The following XYLT1 variants were observed in gnomAD, a reference collection of about 807,000 sequenced individuals.
XYLT1 encodes the protein xylosyltransferase 1.
In XYLT1, 36 loss-of-function variants were observed where a neutral mutation model predicts 91.3. The ratio of observed to expected loss-of-function variants is 0.39; its 90% CI spans 0.30 to 0.52. XYLT1 has a LOEUF of 0.52. XYLT1 is among the 20% of genes least tolerant of loss of function. The pLI is 0.68. For synonymous variants in XYLT1, 588 were observed against 532.0 expected (o/e 1.11, Z -1.45); for missense variants, 1,242 against 1,284.5 (o/e 0.97, Z 0.51).
chr16:17,197,960 G>C, intron 5 of XYLT1: 1 of 554,254 alleles, frequency 1.8e-6, no homozygotes, highest in East Asian at 3.0e-5. Context: ...ACGCGGGTTG[G>C]AGTTTCCGTC....
At chr16:17,117,572 C>A (rs189935497) in intron 11 of XYLT1, 74 bp downstream of exon 11, 2 of 1,502,616 alleles carry the variant, frequency 1.3e-6, no homozygotes, top group Admixed American at 3.8e-5. Context: ...AGCAGTGCTG[C>A]CTACCAACAC....
At chr16:17,463,731 A>C (rs545008605) in intron 1 of XYLT1, among the ~76,000 whole-genome samples, 1 of 152,266 alleles carries the variant, frequency 6.6e-6, no homozygotes, top group Non-Finnish European at 1.5e-5. Context: ...CTACACAGGA[A>C]AGGATTAATT....
intron 1 of XYLT1, among the ~76,000 whole-genome samples, chr16:17,377,175 T>TCACACACACACACACC (rs376242678): frequency 6.6e-6 from 1 of 150,828 alleles, no homozygotes; most frequent in African/African-American, 2.5e-5. Flanking sequence ...AGACTCTGCC[T>TCACACACACACACACC]CACACACACA....
rs559295555 is a variant in XYLT1, at chr16:17,449,859, T to C, written c.363+20575A>G. Among the ~76,000 whole-genome samples the C allele has an allele frequency of 1.7e-4, 26 of 152,330 alleles. No homozygotes were observed. In the South Asian group the frequency reaches 5.0e-3, roughly 29 times the overall value. Reference sequence around the variant, plus strand: ...GGCCTTTGGATCTTAAAATGTCATCTTAAAGTGGGGTTCCATAGCTCTCAC... The same window carrying C: ...GGCCTTTGGATCTTAAAATGTCATCCTAAAGTGGGGTTCCATAGCTCTCAC... On this transcript the variant is annotated intron_variant, in intron 1 of 11. Coordinates refer to ENST00000261381, the MANE Select transcript of XYLT1 (RefSeq NM_022166.4).
chr16:17,189,645 A>G (rs1157996189), intron 5 of XYLT1, among the ~76,000 whole-genome samples: 1 of 152,262 alleles, frequency 6.6e-6, no homozygotes, highest in African/African-American at 2.4e-5. Flanking sequence ...ATAAAAAGGA[A>G]TGAAGTGCTG....
At position 17,293,491 on chromosome 16, in the gene XYLT1, CTTTTTTTTTTTTTTT is replaced by C. The variant is rs548581536; in HGVS notation, c.403-34008_403-33994del. Among the ~76,000 whole-genome samples, 118 of 119,114 alleles carry C rather than the reference CTTTTTTTTTTTTTTT, an allele frequency of 9.9e-4. 2 individuals are homozygous for C. The highest frequency in any genetic ancestry group is 3.2e-3 in the African/African-American group (104 of 32,916). 78.1% of individuals were successfully genotyped at this position (119,114 alleles called of 152,430 possible). On this transcript the variant is annotated intron_variant, in intron 2 of 11. Transcript: ENST00000261381. ...TTTTAACATAAAGATTTTCTCCCTC[CTTTTTTTTTTTTTTT>C]TTTTTTTTTTTGAGACTGAGTCTCC...
chr16:17,381,932 T>A (rs1354675112), intron 1 of XYLT1, among the ~76,000 whole-genome samples: 10 of 151,928 alleles, frequency 6.6e-5, no homozygotes, highest in Admixed American at 4.0e-4. Flanking sequence ...TCTCAGTTAA[T>A]CCTCACTGCA....
intron 3 of XYLT1, among the ~76,000 whole-genome samples, chr16:17,237,773 G>A (rs963289514): frequency 2.6e-5 from 4 of 152,102 alleles, no homozygotes; most frequent in Non-Finnish European, 5.9e-5. Context: ...GGTTCCTCTC[G>A]GGTCACTTGG....
chr16:17,204,016 T>A (rs1243548086), intron 3 of XYLT1, among the ~76,000 whole-genome samples: 1 of 152,216 alleles, frequency 6.6e-6, no homozygotes, highest in African/African-American at 2.4e-5. Context: ...GAAGAATGCG[T>A]TATCATCCTC....
At chr16:17,390,988 A>G (rs1442926424) in intron 1 of XYLT1, among the ~76,000 whole-genome samples, 1 of 152,204 alleles carries the variant, frequency 6.6e-6, no homozygotes, top group Non-Finnish European at 1.5e-5. Flanking sequence ...CAGTGAGACA[A>G]GATCACCCCA....
At chr16:17,125,197 A>G (rs2030215894) in intron 10 of XYLT1, among the ~76,000 whole-genome samples, 1 of 152,148 alleles carries the variant, frequency 6.6e-6, no homozygotes, top group Admixed American at 6.6e-5. Flanking sequence ...CAGTGCCTGC[A>G]GGGGCAATCC....
chr16:17,366,061 CTTTTT>C (rs11398471), intron 1 of XYLT1, among the ~76,000 whole-genome samples: 1 of 128,666 alleles, frequency 7.8e-6, no homozygotes, highest in Non-Finnish European at 1.6e-5. Context: ...AGCTGGTTTG[CTTTTT>C]TTTTTTTTTT....
chr16:17,297,804 G>A (rs2034334592), intron 2 of XYLT1, among the ~76,000 whole-genome samples: 2 of 152,126 alleles, frequency 1.3e-5, no homozygotes, highest in South Asian at 4.1e-4. Flanking sequence ...GGCAGATCAT[G>A]AGGTCAGGAG....
At chr16:17,274,905 G>A (rs1037969554) in intron 2 of XYLT1, among the ~76,000 whole-genome samples, 7 of 152,080 alleles carry the variant, frequency 4.6e-5, no homozygotes, top group East Asian at 1.9e-4. Context: ...GGCCGGGCAC[G>A]GTGGCTCACA....
At chr16:17,326,541 C>T (rs867315285) in intron 2 of XYLT1, among the ~76,000 whole-genome samples, 2 of 152,062 alleles carry the variant, frequency 1.3e-5, no homozygotes, top group Non-Finnish European at 2.9e-5. Flanking sequence ...CACAGGACCT[C>T]GGCCTGGCAC....
At chr16:17,162,971 C>G (rs1567302876) in intron 5 of XYLT1, among the ~76,000 whole-genome samples, 1 of 152,142 alleles carries the variant, frequency 6.6e-6, no homozygotes. Flanking sequence ...AAACAATGCA[C>G]CTAATATCTG....
intron 2 of XYLT1, among the ~76,000 whole-genome samples, chr16:17,268,879 G>A (rs1050767496): frequency 2.8e-4 from 43 of 152,202 alleles, no homozygotes; most frequent in Non-Finnish European, 5.4e-4. Flanking sequence ...CACCATGTTG[G>A]CCAGGCTGGT....
chr16:17,204,966 C>CAAAAAAAAAAAAAA (rs530525798), intron 3 of XYLT1, among the ~76,000 whole-genome samples: 1 of 81,288 alleles, frequency 1.2e-5, no homozygotes, highest in South Asian at 4.3e-4. Flanking sequence ...TGCCCAGCTC[C>CAAAAAAAAAAAAAA]AAAAAAAAAA....
chr16:17,369,332 G>A (rs537291800), intron 1 of XYLT1, among the ~76,000 whole-genome samples: 1 of 152,154 alleles, frequency 6.6e-6, no homozygotes, highest in African/African-American at 2.4e-5. Context: ...TTAGGTGCCA[G>A]CATTTAAAAT....
Sources: allele counts gnomAD v4.1 joint callset (sites outside exome capture counted in the v4.1 genomes callset), GRCh38; gene constraint gnomAD v4.1.1; transcripts MANE v1.5; gene names NCBI Gene and HGNC (gene_info 2026-07-23, HGNC 2026-07-21).